CSMD3: variants seen among roughly 807,000 people sequenced by gnomAD.
CSMD3 encodes the protein CUB and Sushi multiple domains 3.
A neutral mutation model predicts 435.2 loss-of-function variants in CSMD3; 177 were observed. That is an observed-to-expected ratio of 0.41 (90% CI 0.36 to 0.46). The LOEUF (loss-of-function observed/expected upper bound fraction) is 0.46. Among genes scored for constraint, CSMD3 ranks in the 20% least tolerant of loss-of-function variants. The pLI is 0.34. For synonymous variants in CSMD3, 1,656 were observed against 1,520.5 expected (o/e 1.09, Z -2.07); for missense variants, 4,265 against 4,504.6 (o/e 0.95, Z 1.52).
At position 112,646,518 on chromosome 8, in the gene CSMD3, A is replaced by AT. The variant is rs554549443; in HGVS notation, c.3194-1294dup. On this transcript the variant is annotated intron_variant, in intron 19 of 70. Transcript: ENST00000297405. ...CTACTTCTTGAGAAGTTTCTTGGGAATTTTTTTGTCTGTAAGCTGTACCTA... is the reference window on the plus strand; with the variant it reads ...CTACTTCTTGAGAAGTTTCTTGGGAATTTTTTTTGTCTGTAAGCTGTACCTA... 2.0e-5 allele frequency among the ~76,000 whole-genome samples: 3 copies of AT among 152,216 alleles called. No individual in the cohort carries two copies. The South Asian group carries it at 6.2e-4, about 32-fold the overall frequency.
chr8:112,653,876 T>TCTCAAACTAATGACCTC (rs1384305134), intron 18 of CSMD3, among the ~76,000 whole-genome samples: 4 of 152,116 alleles, frequency 2.6e-5, no homozygotes, highest in Non-Finnish European at 5.9e-5. Flanking sequence ...GTCAGGCTGG[T>TCTCAAACTAATGACCTC]CTTGAACTCC....
chr8:112,524,393 G>T (rs1824638217), intron 27 of CSMD3, among the ~76,000 whole-genome samples: 2 of 151,560 alleles, frequency 1.3e-5, no homozygotes, highest in African/African-American at 4.8e-5. Flanking sequence ...ACTTCTGACT[G>T]ACACTATACA....
chr8:113,201,373 T>C (rs56362921), intron 3 of CSMD3, among the ~76,000 whole-genome samples: 1 of 151,896 alleles, frequency 6.6e-6, no homozygotes, highest in South Asian at 2.1e-4. Context: ...AAATTAGTCA[T>C]AACAAATTTC....
chr8:112,231,670 G>C lies in CSMD3; in HGVS notation c.10741-38C>G, dbSNP rs1813099168. The C allele has an allele frequency of 2.6e-6, 3 of 1,134,198 alleles. No homozygotes were observed. In the East Asian group the frequency reaches 7.0e-5, roughly 27 times the overall value. 70.3% of individuals were successfully genotyped at this position (1,134,198 alleles called of 1,614,324 possible). A position where few individuals can be genotyped will look rare whatever the true frequency, so the allele number is the denominator to read the frequency against. ...AAACAGCCAAATATACTTGAATACT[G>C]GCCATAGCTATATTTTCCCAGCCTT... is the stretch of plus-strand genomic sequence containing the variant. On this transcript the variant is annotated intron_variant, in intron 68 of 70. Transcript: ENST00000297405.
At chr8:112,424,833 A>C (rs528992208) in intron 32 of CSMD3, among the ~76,000 whole-genome samples, 2 of 152,258 alleles carry the variant, frequency 1.3e-5, no homozygotes, top group South Asian at 4.1e-4. Flanking sequence ...CTGGGACCAC[A>C]GGCATGTGCC....
intron 1 of CSMD3, among the ~76,000 whole-genome samples, chr8:113,398,127 C>T (rs996095907): frequency 1.3e-5 from 2 of 152,074 alleles, no homozygotes; most frequent in Non-Finnish European, 2.9e-5. Flanking sequence ...TCTCCCCATC[C>T]CCAAGATTGT....
chr8:113,154,777 T>C (rs1038915207), intron 4 of CSMD3, among the ~76,000 whole-genome samples: 23 of 152,048 alleles, frequency 1.5e-4, no homozygotes, highest in Middle Eastern at 3.2e-3. Flanking sequence ...ATATTTTGTA[T>C]ACTGTATGTC....
Position 112,557,097 on chromosome 8 carries a change from T to C in CSMD3, c.4043-143A>G, listed in dbSNP as rs1249066777. ...GCCCTTACCATATTTAATTTTCGTA[T>C]CATACAACAACCATGCAGACCTTTT... On this transcript the variant is annotated intron_variant, in intron 24 of 70. Transcript: ENST00000297405. The C allele has an allele frequency of 6.4e-6, 4 of 625,722 alleles. No individual in the cohort carries two copies. In the Admixed American group the frequency reaches 1.1e-4, roughly 17 times the overall value. The allele number at this position is 625,722 out of a possible 1,614,324, so 38.8% of individuals were successfully genotyped here.
At chr8:112,884,143 A>G (rs2130243836) in intron 10 of CSMD3, among the ~76,000 whole-genome samples, 1 of 152,046 alleles carries the variant, frequency 6.6e-6, no homozygotes, top group South Asian at 2.1e-4. Context: ...GTCAAGAAAC[A>G]GAAACTGCAC....
chr8:112,721,970 T>G (rs1011029703), intron 13 of CSMD3, among the ~76,000 whole-genome samples: 2 of 152,194 alleles, frequency 1.3e-5, no homozygotes, highest in African/African-American at 4.8e-5. Context: ...AAATCTGACC[T>G]TCTTGTGTTT....
intron 32 of CSMD3, among the ~76,000 whole-genome samples, chr8:112,468,165 A>G (rs1035953738): frequency 2.7e-5 from 4 of 150,534 alleles, no homozygotes; most frequent in Non-Finnish European, 5.9e-5. Context: ...ATTGCAAATT[A>G]TTTCTTCTGA....
chr8:112,343,941 G>C (rs1208583019), intron 41 of CSMD3, among the ~76,000 whole-genome samples: 1 of 152,042 alleles, frequency 6.6e-6, no homozygotes, highest in Non-Finnish European at 1.5e-5. Flanking sequence ...GGAGTGCAGT[G>C]GCAAGATCTC....
chr8:112,291,651 C>A lies in CSMD3; in HGVS notation c.8833G>T (p.Glu2945Ter). The A allele has an allele frequency of 6.2e-7, 1 of 1,612,534 alleles. No individual in the cohort carries two copies. The highest frequency in any genetic ancestry group is 2.2e-5 in the East Asian group (1 of 44,722). The change falls in exon 56 of 71, where the codon GAA becomes TAA. Residue 2945 changes from glutamate to a stop codon, truncating the protein, a stop_gained. Transcript: ENST00000297405. LOFTEE classifies it high-confidence loss of function. ...AAATTTCCATGTTCTATTTTACTTT[C>A]TCTTTTAGAATTGGCTGGAATTCCA... ...DPGIPANSKR[E>*]SKIEHGNFTY...
At chr8:112,758,999 G>A (rs1468276428) in intron 13 of CSMD3, among the ~76,000 whole-genome samples, 1 of 152,018 alleles carries the variant, frequency 6.6e-6, no homozygotes, top group Non-Finnish European at 1.5e-5. Context: ...CAAAGACAGG[G>A]TTTAATTTTA....
intron 3 of CSMD3, among the ~76,000 whole-genome samples, chr8:113,220,217 C>T (rs947255228): frequency 6.6e-6 from 1 of 151,434 alleles, no homozygotes; most frequent in African/African-American, 2.4e-5. Flanking sequence ...GCCACAGAGG[C>T]ACCCTCACAG....
chr8:112,707,804 T>C (rs2076531540), intron 13 of CSMD3, among the ~76,000 whole-genome samples: 1 of 152,090 alleles, frequency 6.6e-6, no homozygotes, highest in Non-Finnish European at 1.5e-5. Context: ...TTTTAACTCT[T>C]ATAAATTCTA....
intron 1 of CSMD3, among the ~76,000 whole-genome samples, chr8:113,411,779 C>A (rs182210907): frequency 6.6e-6 from 1 of 152,190 alleles, no homozygotes; most frequent in East Asian, 1.9e-4. Context: ...TCTTCATTGG[C>A]AATGGGAATA....
intron 7 of CSMD3, among the ~76,000 whole-genome samples, chr8:112,963,519 GT>G (rs1293975368): frequency 1.3e-5 from 2 of 151,818 alleles, no homozygotes; most frequent in African/African-American, 4.8e-5. Context: ...TAGAATTATT[GT>G]TGGCTGTTGC....
intron 32 of CSMD3, among the ~76,000 whole-genome samples, chr8:112,432,909 G>GA (rs11300101): frequency 1.4e-3 from 203 of 145,584 alleles, no homozygotes; most frequent in South Asian, 7.0e-3. Flanking sequence ...GGCTCCACTG[G>GA]AAAAAAAAAA....
Sources: gnomAD v4.1 joint callset for allele counts (sites outside exome capture counted in the v4.1 genomes callset) on GRCh38, gnomAD v4.1.1 for gene constraint, MANE v1.5 for transcripts, NCBI Gene and HGNC (gene_info 2026-07-23, HGNC 2026-07-21) for gene names.